OGFOD1: variants seen among roughly 807,000 people sequenced by gnomAD.
OGFOD1 encodes 2-oxoglutarate and iron dependent oxygenase domain containing 1.
Under a neutral mutation model 67.7 loss-of-function variants are expected in OGFOD1, and 54 were observed. The ratio of observed to expected loss-of-function variants is 0.80; its 90% CI spans 0.64 to 1.00. OGFOD1 has a LOEUF of 1.00. Ranked by LOEUF, OGFOD1 falls within the 50% of genes least tolerant of loss-of-function variation. The pLI is 0.00. For synonymous variants in OGFOD1, 221 were observed against 227.0 expected, an observed-to-expected ratio of 0.97 and a Z score of 0.24; for missense variants, 606 against 646.7, an observed-to-expected ratio of 0.94 and a Z score of 0.68.
intron 3 of OGFOD1, among the ~76,000 whole-genome samples, chr16:56,460,101 A>G (rs539015405): frequency 3.3e-5 from 5 of 152,292 alleles, no homozygotes; most frequent in Admixed American, 6.5e-5. Flanking sequence ...ATTATGTTTC[A>G]TATTTACTTA....
intron 4 of OGFOD1, 167 bp from the exon 5 acceptor site, chr16:56,465,981 ATTTG>A: frequency 5.6e-6 from 3 of 535,174 alleles, no homozygotes; most frequent in South Asian, 4.8e-5. Context: ...ATATTGACTT[ATTTG>A]TTTACTTATA....
At chr16:56,470,421 C>CT in intron 9 of OGFOD1, 66 bp from the exon 10 acceptor site, 1 of 1,422,870 alleles carries the variant, frequency 7.0e-7, no homozygotes, top group Non-Finnish European at 9.6e-7. Flanking sequence ...TAACGATCAG[C>CT]TTTTATTCTG....
chr16:56,452,798 G>A (rs549437172), intron 1 of OGFOD1, among the ~76,000 whole-genome samples: 1 of 152,124 alleles, frequency 6.6e-6, no homozygotes, highest in Admixed American at 6.5e-5. Flanking sequence ...ATTAGAGGTG[G>A]TTATGCCCGA....
At chr16:56,466,800 G>A in intron 5 of OGFOD1, 76 bp from the exon 6 acceptor site, 1 of 1,117,456 alleles carries the variant, frequency 8.9e-7, no homozygotes, top group Non-Finnish European at 1.4e-6. Flanking sequence ...CAGAAGTTTG[G>A]AAATTGTCAA....
At chr16:56,473,444 T>C (rs570406762) in intron 10 of OGFOD1, among the ~76,000 whole-genome samples, 19 of 152,324 alleles carry the variant, frequency 1.2e-4, no homozygotes, top group Non-Finnish European at 2.4e-4. Context: ...GACACATCCA[T>C]TGTGTCTTCA....
Position 56,470,675 on chromosome 16 carries a change from A to G in OGFOD1, c.1169A>G (p.Glu390Gly). Reference sequence around the variant, plus strand: ...GCAGAAACCACTGATATCACTGAAGAAGGGACTAGCCATAGTCCTCCTGAG... The same window carrying G: ...GCAGAAACCACTGATATCACTGAAGGAGGGACTAGCCATAGTCCTCCTGAG... ...KEAETTDITE[E>G]GTSHSPPEPE... The change falls in exon 10 of 13, where the codon GAA becomes GGA. Residue 390 changes from glutamate to glycine, a missense_variant. Transcript: ENST00000566157. 1 of 1,614,138 alleles carries G rather than the reference A, an allele frequency of 6.2e-7. No individual in the cohort carries two copies. Among genetic ancestry groups the G allele is most frequent in the Non-Finnish European group, 8.5e-7 (1 of 1,179,978 alleles).
intron 4 of OGFOD1, 85 bp downstream of exon 4, chr16:56,462,719 C>A: frequency 1.2e-6 from 1 of 801,996 alleles, no homozygotes; most frequent in Non-Finnish European, 2.1e-6. Context: ...TGTACCAAAA[C>A]ACTCAACTGA....
chr16:56,456,512 G>A (rs1278630946), intron 2 of OGFOD1, among the ~76,000 whole-genome samples: 3 of 152,134 alleles, frequency 2.0e-5, no homozygotes, highest in Admixed American at 6.5e-5. Context: ...CGAGGGCTCA[G>A]GCCAAAAAGG....
intron 4 of OGFOD1, 62 bp downstream of exon 4, chr16:56,462,696 G>A: frequency 3.1e-6 from 3 of 979,638 alleles, no homozygotes; most frequent in Admixed American, 1.8e-5. Context: ...CATTAATGGA[G>A]AGATGGTATC....
intron 1 of OGFOD1, among the ~76,000 whole-genome samples, chr16:56,452,615 A>G (rs1962379314): frequency 6.6e-6 from 1 of 152,054 alleles, no homozygotes; most frequent in African/African-American, 2.4e-5. Flanking sequence ...CAGGCTCTGT[A>G]CTCTCAGTTT....
At chr16:56,464,644 C>T (rs1962834450) in intron 4 of OGFOD1, among the ~76,000 whole-genome samples, 1 of 152,120 alleles carries the variant, frequency 6.6e-6, no homozygotes, top group East Asian at 1.9e-4. Context: ...TATTGATGCT[C>T]ATACTGTCCC....
chr16:56,454,718 T>C, intron 2 of OGFOD1: 1 of 386,498 alleles, frequency 2.6e-6, no homozygotes, highest in Non-Finnish European at 5.1e-6. Flanking sequence ...CCATTTTATT[T>C]TATCTGGGAT....
intron 2 of OGFOD1, among the ~76,000 whole-genome samples, chr16:56,455,684 TG>T (rs1962502097): frequency 6.6e-6 from 1 of 152,220 alleles, no homozygotes; most frequent in African/African-American, 2.4e-5. Flanking sequence ...CATTAGGACT[TG>T]CCCAGTATTC....
intron 4 of OGFOD1, among the ~76,000 whole-genome samples, 166 bp downstream of exon 4, chr16:56,462,800 G>C (rs1670618361): frequency 6.6e-6 from 1 of 152,120 alleles, no homozygotes; most frequent in African/African-American, 2.4e-5. Context: ...CACCTTATTG[G>C]AAGGCATAAG....
In OGFOD1 at chr16:56,467,270, C is replaced by CG. The variant is rs1962942942; in HGVS notation, c.765dup (p.Ser256GlufsTer9). ...CAACTACTTTGAACCCCCCATACCTCGGAGCCCTCACATCCCACAAGATGT... is the reference window on the plus strand; with the variant it reads ...CAACTACTTTGAACCCCCCATACCTCGGGAGCCCTCACATCCCACAAGATGT... On this transcript the variant is annotated frameshift_variant, in exon 7 of 13. Transcript: ENST00000566157. LOFTEE classifies it high-confidence loss of function. 7.4e-6 allele frequency: 12 copies of CG among 1,613,976 alleles called. No homozygotes were observed. The highest frequency in any genetic ancestry group is 1.0e-5 in the Non-Finnish European group (12 of 1,180,026).
rs919452056 is a variant in OGFOD1 at position 56,474,993 on chromosome 16, G to A, written c.1408+43G>A. On this transcript the variant is annotated intron_variant, in intron 11 of 12. Transcript: ENST00000566157. The stretch of plus-strand genomic sequence containing the variant: ...AAGCGGTGGATTATTCCCCGTAGGA[G>A]GGGCAGTCTCTTCTGAGGGACCCTT... The A allele has an allele frequency of 3.7e-6, 6 of 1,605,720 alleles. No homozygotes were observed. In the African/African-American group the frequency reaches 6.7e-5, roughly 18 times the overall value.
intron 5 of OGFOD1, among the ~76,000 whole-genome samples, chr16:56,466,620 C>T (rs530830057): frequency 1.3e-5 from 2 of 152,158 alleles, no homozygotes. Context: ...TTTTGAATGT[C>T]TAGCACCAGA....
chr16:56,463,720 A>ATTT (rs59952507), intron 4 of OGFOD1, among the ~76,000 whole-genome samples: 24 of 140,846 alleles, frequency 1.7e-4, no homozygotes, highest in African/African-American at 6.0e-4. Context: ...CCATGCCAGT[A>ATTT]TTTTTTTTTT....
At chr16:56,457,247 C>T (rs968471577) in intron 2 of OGFOD1, among the ~76,000 whole-genome samples, 3 of 152,154 alleles carry the variant, frequency 2.0e-5, no homozygotes, top group South Asian at 2.1e-4. Context: ...AAAGGAATGA[C>T]GTACTGATAC....
Sources: allele counts gnomAD v4.1 joint callset (sites outside exome capture counted in the v4.1 genomes callset), GRCh38; gene constraint gnomAD v4.1.1; transcripts MANE v1.5; gene names NCBI Gene and HGNC (gene_info 2026-07-23, HGNC 2026-07-21).